SCUBE1: variants seen among roughly 807,000 people sequenced by gnomAD.
SCUBE1 encodes the protein signal peptide, CUB domain and EGF like domain containing 1.
Under a neutral mutation model 124.4 loss-of-function variants are expected in SCUBE1, and 59 were observed. That is an observed-to-expected ratio of 0.47 (90% CI 0.38 to 0.59). SCUBE1 has a LOEUF of 0.59. Ranked by LOEUF, SCUBE1 falls within the 20% of genes least tolerant of loss-of-function variation. The probability of loss-of-function intolerance (pLI) is 0.00; values close to 1 mark genes in which losing one functional copy is unlikely to be tolerated. For synonymous variants in SCUBE1, 545 were observed against 550.9 expected, an observed-to-expected ratio of 0.99 and a Z score of 0.15; for missense variants, 1,150 against 1,371.2, an observed-to-expected ratio of 0.84 and a Z score of 2.55.
At chr22:43,289,779 C>A (rs1051265591) in intron 4 of SCUBE1, among the ~76,000 whole-genome samples, 3 of 152,182 alleles carry the variant, frequency 2.0e-5, no homozygotes, top group African/African-American at 7.2e-5. Context: ...AGTAGAGCCG[C>A]CCATGGGAAG....
intron 3 of SCUBE1, among the ~76,000 whole-genome samples, chr22:43,313,422 C>T (rs1462283526): frequency 1.3e-5 from 2 of 152,178 alleles, no homozygotes; most frequent in Non-Finnish European, 2.9e-5. Context: ...GAACTAATGG[C>T]TTTAGAGAAA....
intron 2 of SCUBE1, among the ~76,000 whole-genome samples, chr22:43,322,657 C>A (rs573148430): frequency 4.4e-4 from 67 of 152,276 alleles, no homozygotes; most frequent in Non-Finnish European, 8.4e-4. Context: ...TCCTTTCCTC[C>A]TTCAAGCAGG....
chr22:43,279,440 G>A (rs1037896227), intron 4 of SCUBE1, among the ~76,000 whole-genome samples: 4 of 152,250 alleles, frequency 2.6e-5, no homozygotes, highest in Admixed American at 1.3e-4. Context: ...GAGTAAGCAT[G>A]TGCTACGGTC....
At chr22:43,264,194 G>T (rs896861789) in intron 4 of SCUBE1, among the ~76,000 whole-genome samples, 2 of 152,230 alleles carry the variant, frequency 1.3e-5, no homozygotes, top group Non-Finnish European at 2.9e-5. Flanking sequence ...TCTTAGAAAG[G>T]TCGTTGTAAA....
chr22:43,314,870 G>A (rs1248085959), intron 3 of SCUBE1, among the ~76,000 whole-genome samples: 2 of 152,120 alleles, frequency 1.3e-5, no homozygotes, highest in African/African-American at 4.8e-5. Context: ...GGTAGAAGAG[G>A]CAGAGTCATT....
chr22:43,312,365 G>C (rs1226186565), intron 3 of SCUBE1, among the ~76,000 whole-genome samples: 1 of 152,146 alleles, frequency 6.6e-6, no homozygotes, highest in Non-Finnish European at 1.5e-5. Context: ...CTTGAAGGAT[G>C]AGCAGGACCT....
At chr22:43,284,235 T>A (rs149950569) in intron 4 of SCUBE1, among the ~76,000 whole-genome samples, 193 of 152,294 alleles carry the variant, frequency 1.3e-3, no homozygotes, top group African/African-American at 4.2e-3. Context: ...CCATTTTCTG[T>A]CTCCGTAACT....
rs928482358 is a variant in SCUBE1 at position 43,255,086 on chromosome 22, G to A, written c.727+3133C>T. Among the ~76,000 whole-genome samples the A allele has an allele frequency of 6.6e-6, 1 of 152,200 alleles. No individual in the cohort carries two copies. The highest frequency in any genetic ancestry group is 1.5e-5 in the Non-Finnish European group (1 of 68,044). On this transcript the variant is annotated intron_variant, in intron 6 of 21. Transcript: ENST00000360835. This position sits in a 1 kb window ranked among gnomAD's most constrained non-coding sequence, Gnocchi z 4.7. ...TGTGGCTGAGTCTCAGTGCTGCTTT[G>A]CTGAGCCTGGGAATCCTAACTGTGA...
intron 4 of SCUBE1, among the ~76,000 whole-genome samples, chr22:43,269,038 C>A (rs115734828): frequency 3.2e-4 from 48 of 152,236 alleles, no homozygotes; most frequent in African/African-American, 1.1e-3. Context: ...TGAACTTGGG[C>A]CCCGGCTATA....
At chr22:43,218,795 A>T (rs1478259115) in intron 14 of SCUBE1, among the ~76,000 whole-genome samples, 1 of 152,220 alleles carries the variant, frequency 6.6e-6, no homozygotes, top group Non-Finnish European at 1.5e-5. Flanking sequence ...TGTCCCCAGG[A>T]TAGTGTCCAG....
chr22:43,245,008 T>C (rs1267319814), intron 6 of SCUBE1, among the ~76,000 whole-genome samples: 1 of 152,208 alleles, frequency 6.6e-6, no homozygotes, highest in Non-Finnish European at 1.5e-5. Context: ...ACCTCTGACC[T>C]CTGACCATCT....
chr22:43,231,932 C>G, intron 7 of SCUBE1, 57 bp from the exon 8 acceptor site: 1 of 1,595,884 alleles, frequency 6.3e-7, no homozygotes, highest in Non-Finnish European at 8.6e-7. Flanking sequence ...CTTGTGTGAC[C>G]AGCGGGGGGA....
At chr22:43,311,266 A>C (rs999313272) in intron 3 of SCUBE1, among the ~76,000 whole-genome samples, 1 of 152,080 alleles carries the variant, frequency 6.6e-6, no homozygotes, top group Admixed American at 6.6e-5. Context: ...CCTCTATGTA[A>C]GTTCATAAGC....
chr22:43,257,601 A>C (rs1923708729), intron 6 of SCUBE1, among the ~76,000 whole-genome samples: 1 of 152,168 alleles, frequency 6.6e-6, no homozygotes, highest in Admixed American at 6.5e-5. Context: ...AGCGGACTTC[A>C]GGTTGGGAAG....
intron 16 of SCUBE1, 44 bp downstream of exon 16, chr22:43,214,046 C>CCGGGGGGGGGGGGGGGGGGGG: frequency 9.5e-6 from 4 of 422,702 alleles, no homozygotes; most frequent in Non-Finnish European, 1.7e-5. Context: ...GAGGAGCCCC[C>CCGGGGGGGGGGGGGGGGGGGG]GCCCACCCCC....
At chr22:43,305,487 G>A (rs1358894823) in intron 3 of SCUBE1, among the ~76,000 whole-genome samples, 4 of 152,150 alleles carry the variant, frequency 2.6e-5, no homozygotes, top group Middle Eastern at 3.2e-3. Context: ...TGGGGTGTCC[G>A]GGACAGGCCG....
intron 8 of SCUBE1, among the ~76,000 whole-genome samples, chr22:43,230,154 C>A (rs962868519): frequency 4.6e-5 from 7 of 152,156 alleles, no homozygotes; most frequent in South Asian, 2.1e-4. Context: ...ATGGGACCAG[C>A]CTGGAATGAG....
At position 43,202,159 on chromosome 22, in the gene SCUBE1, T is replaced by C. The variant is rs1232239062; in HGVS notation, c.*1838A>G. On this transcript the variant is annotated 3_prime_UTR_variant, in exon 22 of 22. Transcript: ENST00000360835. ...TGGGCACATGTGACGGCGTGAGTAA[T>C]TGCTGAGCTCCGGGCCCTCTTTTGG... The C allele has an allele frequency of 3.3e-5, 5 of 152,214 alleles. No individual in the cohort carries two copies. Among genetic ancestry groups the C allele is most frequent in the African/African-American group, 1.2e-4 (5 of 41,446 alleles). 9.4% of individuals were successfully genotyped at this position (152,214 alleles called of 1,614,324 possible).
chr22:43,210,614 C>A lies in SCUBE1; in HGVS notation c.2383+308G>T, dbSNP rs1023006995. On this transcript the variant is annotated intron_variant, in intron 18 of 21. Transcript: ENST00000360835. The surrounding 1 kb of genome is among the most constrained non-coding windows in gnomAD (Gnocchi z 4.5). ...AGTGCCCCTGTAGGCTGTCAGCCCC[C>A]CCAGCAGACCCAGAAACTAGAGCAG... Among the ~76,000 whole-genome samples, 3 of 152,228 alleles carry A rather than the reference C, an allele frequency of 2.0e-5. No individual in the cohort carries two copies. The highest frequency in any genetic ancestry group is 7.2e-5 in the African/African-American group (3 of 41,470).
Sources: gnomAD v4.1 joint callset for allele counts (sites outside exome capture counted in the v4.1 genomes callset) on GRCh38, gnomAD v4.1.1 for gene constraint, Gnocchi (gnomAD v3.1) non-coding constraint, MANE v1.5 for transcripts, NCBI Gene and HGNC (gene_info 2026-07-23, HGNC 2026-07-21) for gene names.